The following ECT2L variants were observed in gnomAD, a reference collection of about 807,000 sequenced individuals.
ECT2L encodes the protein epithelial cell transforming 2 like.
In ECT2L, 126 loss-of-function variants were observed where a neutral mutation model predicts 122.8. The observed-to-expected ratio is 1.03, with a 90% CI of 0.89 to 1.19. ECT2L has a LOEUF of 1.19. Among genes scored for constraint, ECT2L ranks in the 50% most tolerant of loss-of-function variants. The pLI, the probability that ECT2L is intolerant of heterozygous loss-of-function variation, is 0.00. For missense variants in ECT2L, 1,012 were observed against 1,064.1 expected (o/e 0.95, Z 0.68); for synonymous variants, 385 against 381.8 (o/e 1.01, Z -0.10).
intron 4 of ECT2L, among the ~76,000 whole-genome samples, chr6:138,837,907 T>C: frequency 6.6e-6 from 1 of 151,694 alleles, no homozygotes; most frequent in East Asian, 1.9e-4. Context: ...GAATACTTTT[T>C]TTTTTTTTTT....
Position 138,882,748 on chromosome 6 carries a change from C to T in ECT2L, c.1905C>T (p.Asp635=). The T allele has an allele frequency of 6.2e-7, 1 of 1,614,140 alleles. No individual in the cohort carries two copies. Among genetic ancestry groups the T allele is most frequent in the Non-Finnish European group, 8.5e-7 (1 of 1,180,010 alleles). The change falls in exon 16 of 22, where the codon GAC becomes GAT. Residue 635 remains aspartate (D), a synonymous_variant. Coordinates refer to ENST00000541398, the MANE Select transcript of ECT2L (RefSeq NM_001077706.3). ...GGCAGTTTCTAGATAACCTGAGAGA[C>T]AGACTGCAGGAATGGGGCCCAGCTC... The part of the protein sequence containing the change: ...LNRQFLDNLR[D]RLQEWGPAHC...
chr6:138,834,935 A>ACACACACACT (rs5880405), intron 4 of ECT2L, among the ~76,000 whole-genome samples: 11 of 142,764 alleles, frequency 7.7e-5, no homozygotes, highest in Admixed American at 3.5e-4. Flanking sequence ...ACACACACAC[A>ACACACACACT]CTCTCATTCT....
chr6:138,876,788 C>T (rs191777214), intron 14 of ECT2L, among the ~76,000 whole-genome samples: 1 of 152,002 alleles, frequency 6.6e-6, no homozygotes, highest in South Asian at 2.1e-4. Flanking sequence ...CATCTTGGAG[C>T]AAAACCAATC....
chr6:138,882,741 T>G lies in ECT2L; in HGVS notation c.1898T>G (p.Leu633Arg), dbSNP rs772178686. 1.2e-6 allele frequency: 2 copies of G among 1,614,124 alleles called. No homozygotes were observed. The highest frequency in any genetic ancestry group is 2.2e-5 in the East Asian group (1 of 44,882). ...TACCACAGGCAGTTTCTAGATAACC[T>G]GAGAGACAGACTGCAGGAATGGGGC... ...LSLNRQFLDN[L>R]RDRLQEWGPA... Residue 633 changes from leucine to arginine, a missense_variant, in exon 16 of 22, where the codon CTG (leucine) becomes CGG (arginine). Coordinates refer to ENST00000541398, the MANE Select transcript of ECT2L (RefSeq NM_001077706.3).
Position 138,873,240 on chromosome 6 carries a change from G to A in ECT2L, c.1579-3232G>A, listed in dbSNP as rs75881134. Among the ~76,000 whole-genome samples, 3,986 of 151,040 alleles carry A rather than the reference G, an allele frequency of 0.026. 271 individuals carry two copies. The East Asian group carries it at 0.28, about 11-fold the overall frequency. On this transcript the variant is annotated intron_variant, in intron 13 of 21. Coordinates refer to ENST00000541398, the MANE Select transcript of ECT2L (RefSeq NM_001077706.3). ...CCTGGAAATTTGATTAAAAAAAATC[G>A]AATTAGAAAAAAATACATATTAGAT...
At chr6:138,818,798 C>A (rs893951176) in intron 4 of ECT2L, among the ~76,000 whole-genome samples, 1 of 151,996 alleles carries the variant, frequency 6.6e-6, no homozygotes, top group Non-Finnish European at 1.5e-5. Flanking sequence ...AGGACTCTCG[C>A]TGATGACAGG....
At chr6:138,798,346 A>G (rs1055872842) in intron 1 of ECT2L, among the ~76,000 whole-genome samples, 1 of 152,136 alleles carries the variant, frequency 6.6e-6, no homozygotes, top group Non-Finnish European at 1.5e-5. Flanking sequence ...CCCATCCTGA[A>G]GCTATCTAGG....
At position 138,843,161 on chromosome 6, in the gene ECT2L, G is replaced by C. The variant is rs189387349; in HGVS notation, c.525G>C (p.Glu175Asp). The change falls in exon 6 of 22, where the codon GAG (glutamate) becomes GAC (aspartate). Residue 175 changes from glutamate (E) to aspartate (D), a missense_variant. Physicochemically the swap from Glu to Asp is conservative, Grantham distance 45 (BLOSUM62 2). Coordinates refer to ENST00000541398, the MANE Select transcript of ECT2L (RefSeq NM_001077706.3). ...TGAATGAACCCAAAACAGAAGATGA[G>C]GAACTACTGGAGAGACAAAGAGAAA... is the stretch of plus-strand genomic sequence containing the variant. ...GTLNEPKTEDEELLERQREKC... is the reference protein window; with the variant it reads ...GTLNEPKTEDDELLERQREKC... The C allele has an allele frequency of 4.5e-5, 73 of 1,613,774 alleles. No homozygotes were observed.
intron 7 of ECT2L, 79 bp downstream of exon 7, chr6:138,844,659 C>T (rs542885717): frequency 2.9e-5 from 39 of 1,355,790 alleles, no homozygotes; most frequent in Middle Eastern, 1.8e-4. Flanking sequence ...TTAGCTATCA[C>T]GCAGAAATCT....
intron 4 of ECT2L, among the ~76,000 whole-genome samples, chr6:138,834,552 A>C (rs1776757018): frequency 1.3e-5 from 2 of 152,160 alleles, no homozygotes; most frequent in South Asian, 4.1e-4. Flanking sequence ...AAATCTAAAG[A>C]TACTGAGACC....
chr6:138,858,370 T>C (rs1009619013), intron 10 of ECT2L, among the ~76,000 whole-genome samples: 2 of 152,164 alleles, frequency 1.3e-5, no homozygotes, highest in Non-Finnish European at 2.9e-5. Context: ...AAAAATATCA[T>C]TCAACAGTTA....
intron 10 of ECT2L, among the ~76,000 whole-genome samples, chr6:138,857,210 C>A (rs1437301002): frequency 6.6e-6 from 1 of 152,108 alleles, no homozygotes; most frequent in Non-Finnish European, 1.5e-5. Flanking sequence ...CCTGTAGTAT[C>A]TCCTGCCTTA....
rs747897205 is a variant in ECT2L at position 138,898,059 on chromosome 6, GT to G, written c.2415-2888del. 8.7e-4 allele frequency among the ~76,000 whole-genome samples: 84 copies of G among 96,014 alleles called. No homozygotes were observed. The Middle Eastern group carries it at 0.014, about 16-fold the overall frequency. The allele number at this position is 96,014 out of a possible 152,430, so 63.0% of individuals were successfully genotyped here. A position where few individuals can be genotyped will look rare whatever the true frequency, so the allele number is the denominator to read the frequency against. ...AATAATTGTTCTTATCATGGATATG[GT>G]AAAAAAAAAAAATTGCTCCCCTTCT... On this transcript the variant is annotated intron_variant, in intron 20 of 21. Coordinates refer to ENST00000541398, the MANE Select transcript of ECT2L (RefSeq NM_001077706.3).
chr6:138,867,999 C>CAAAA lies in ECT2L; in HGVS notation c.1475-87_1475-84dup, dbSNP rs754296302. ...TGGGCAACAGAGTAAGATTCTGTCTCAAAAAAAAAAAAAAAAAAAAGAAAC... is the reference window on the plus strand; with the variant it reads ...TGGGCAACAGAGTAAGATTCTGTCTCAAAAAAAAAAAAAAAAAAAAAAAAGAAAC... On this transcript the variant is annotated intron_variant, in intron 12 of 21. Transcript: ENST00000541398. The CAAAA allele has an allele frequency of 9.2e-3, 3,095 of 334,916 alleles. 57 individuals carry two copies. The highest frequency in any genetic ancestry group is 0.014 in the South Asian group (354 of 25,462). 20.7% of individuals were successfully genotyped at this position (334,916 alleles called of 1,614,324 possible).
chr6:138,893,694 T>A (rs1779116676), intron 20 of ECT2L, among the ~76,000 whole-genome samples: 3 of 152,168 alleles, frequency 2.0e-5, no homozygotes, highest in Admixed American at 2.0e-4. Context: ...AGTGCTGTGA[T>A]TACAGGCGTG....
chr6:138,816,281 C>T (rs1195773653), intron 4 of ECT2L, among the ~76,000 whole-genome samples: 1 of 152,162 alleles, frequency 6.6e-6, no homozygotes, highest in Non-Finnish European at 1.5e-5. Context: ...AGCAGCTTAA[C>T]TCAGGCCTGA....
At position 138,846,649 on chromosome 6, in the gene ECT2L, T is replaced by A. The variant is rs1456968597; in HGVS notation, c.875T>A (p.Leu292Ter). Residue 292 changes from leucine to a stop codon, truncating the protein, a stop_gained, in exon 8 of 22, where the codon TTA (leucine) becomes TAA (stop). Transcript: ENST00000541398. LOFTEE classifies it high-confidence loss of function. ...SSYALRPHFM[L>*]ISSRIPAYEM... is the part of the protein sequence containing the mutation. ...TATGCTCTCCGGCCACACTTCATGT[T>A]AATATCATCCCGGATTCCTGCGTAT... 1 of 1,607,706 alleles carries A rather than the reference T, an allele frequency of 6.2e-7. No individual in the cohort carries two copies. Among genetic ancestry groups the A allele is most frequent in the African/African-American group, 1.3e-5 (1 of 74,672 alleles).
chr6:138,897,959 G>T (rs957026275), intron 20 of ECT2L, among the ~76,000 whole-genome samples: 2 of 152,026 alleles, frequency 1.3e-5, no homozygotes, highest in Non-Finnish European at 2.9e-5. Context: ...CACTCTGTTG[G>T]CATATTTCCT....
rs760729189 is a variant in ECT2L at position 138,846,714 on chromosome 6, TTTTTTTG to T, written c.903+51_903+57del. On this transcript the variant is annotated intron_variant, in intron 8 of 21. Transcript: ENST00000541398. ...TATGAGGCCAGTCCTGTCCTGATTG[TTTTTTTG>T]TTTTTTGTTTTTTTTCATCTAGACT... The T allele has an allele frequency of 4.9e-6, 7 of 1,419,766 alleles. No individual in the cohort carries two copies. In the South Asian group the frequency reaches 7.1e-5, roughly 14 times the overall value. The allele number at this position is 1,419,766 out of a possible 1,614,324, so 87.9% of individuals were successfully genotyped here. A position where few individuals can be genotyped will look rare whatever the true frequency, so the allele number is the denominator to read the frequency against.
Sources: gnomAD v4.1 joint callset for allele counts (sites outside exome capture counted in the v4.1 genomes callset) on GRCh38, gnomAD v4.1.1 for gene constraint, MANE v1.5 for transcripts, NCBI Gene and HGNC (gene_info 2026-07-23, HGNC 2026-07-21) for gene names.